CHD7: variants seen among roughly 807,000 people sequenced by gnomAD.
The protein encoded by CHD7 is chromodomain helicase DNA binding protein 7.
Under a neutral mutation model 307.3 loss-of-function variants are expected in CHD7, and 24 were observed. That is an observed-to-expected ratio of 0.08 (90% confidence interval 0.06 to 0.11). CHD7 has a LOEUF of 0.11. CHD7 is among the 10% of genes least tolerant of loss of function. CHD7 has a pLI of 1.00. For synonymous variants in CHD7, 1,363 were observed against 1,349.9 expected, an observed-to-expected ratio of 1.01 and a Z score of -0.21; for missense variants, 3,106 against 3,727.1, an observed-to-expected ratio of 0.83 and a Z score of 4.34.
chr8:60,756,780 G>T (rs1211134452), intron 2 of CHD7, among the ~76,000 whole-genome samples: 1 of 152,148 alleles, frequency 6.6e-6, no homozygotes, highest in Non-Finnish European at 1.5e-5. Context: ...ATATCCACTA[G>T]ATTTTTGGTT....
At chr8:60,848,131 G>GA (rs1382349573) in intron 23 of CHD7, among the ~76,000 whole-genome samples, 2 of 152,182 alleles carry the variant, frequency 1.3e-5, no homozygotes, top group African/African-American at 4.8e-5. Context: ...AATTTTATGA[G>GA]ATAATGAAGC....
intron 1 of CHD7, among the ~76,000 whole-genome samples, chr8:60,731,513 G>T (rs1808455394): frequency 6.6e-6 from 1 of 152,054 alleles, no homozygotes; most frequent in Non-Finnish European, 1.5e-5. Flanking sequence ...TAGAGGTCTT[G>T]GTACGTATCC....
chr8:60,855,647 C>T (rs1322603405), intron 32 of CHD7, among the ~76,000 whole-genome samples: 3 of 152,198 alleles, frequency 2.0e-5, no homozygotes, highest in Non-Finnish European at 2.9e-5. Context: ...GGAGCTTGTA[C>T]AAGAGTTACT....
rs755396598 is a variant in CHD7 at position 60,853,402 on chromosome 8, A to G, written c.6677A>G (p.Asp2226Gly). The change falls in exon 31 of 38, where the codon GAC becomes GGC. Residue 2226 changes from aspartate to glycine, a missense_variant. Coordinates refer to ENST00000423902, the MANE Select transcript of CHD7 (RefSeq NM_017780.4). ...NELKGVEVGA[D>G]TGSKSISEKG... ...CTGAAAGGTGTTGAGGTCGGCGCAG[A>G]CACTGGGTCCAAATCTATTTCAGAG... The G allele has an allele frequency of 2.6e-6, 4 of 1,531,042 alleles. No homozygotes were observed. The Admixed American group carries it at 8.7e-5, about 33-fold the overall frequency. The allele number at this position is 1,531,042 out of a possible 1,614,324, so 94.8% of individuals were successfully genotyped here. A position where few individuals can be genotyped will look rare whatever the true frequency, so the allele number is the denominator to read the frequency against.
At chr8:60,759,560 G>A (rs1810073328) in intron 2 of CHD7, among the ~76,000 whole-genome samples, 1 of 151,230 alleles carries the variant, frequency 6.6e-6, no homozygotes, top group African/African-American at 2.4e-5. Context: ...TCTGGTGAGA[G>A]AGCATTTATG....
chr8:60,735,318 G>C (rs1243218169), intron 1 of CHD7, among the ~76,000 whole-genome samples: 1 of 152,198 alleles, frequency 6.6e-6, no homozygotes. Context: ...TACGATGTCA[G>C]TGGTTTTCCT....
rs772687285 is a variant in CHD7, at chr8:60,699,569, C to G, written c.-175+20487C>G. Among the ~76,000 whole-genome samples the G allele has an allele frequency of 5.3e-5, 8 of 151,996 alleles. No individual in the cohort carries two copies. In the South Asian group the frequency reaches 1.2e-3, roughly 24 times the overall value. On this transcript the variant is annotated intron_variant, in intron 1 of 37. Coordinates refer to ENST00000423902, the MANE Select transcript of CHD7 (RefSeq NM_017780.4). ...CTGGGGTAGCCTGTTCTGGAGCCAG[C>G]TCTGTCTGTCCCATTGCTATGGAAT...
chr8:60,698,742 C>T (rs536663826), intron 1 of CHD7, among the ~76,000 whole-genome samples: 1 of 152,290 alleles, frequency 6.6e-6, no homozygotes, highest in South Asian at 2.1e-4. Context: ...TTTGCAGAGC[C>T]TTGATGTCTA....
chr8:60,757,821 A>C (rs1809970123), intron 2 of CHD7, among the ~76,000 whole-genome samples: 1 of 152,242 alleles, frequency 6.6e-6, no homozygotes. Flanking sequence ...AAGAAAGAAC[A>C]CTTAACCTTC....
chr8:60,789,010 A>G (rs534120946), intron 3 of CHD7, among the ~76,000 whole-genome samples: 31 of 152,060 alleles, frequency 2.0e-4, no homozygotes, highest in South Asian at 1.9e-3. Context: ...TATCTTTTTT[A>G]GTTTGCCTTT....
intron 1 of CHD7, among the ~76,000 whole-genome samples, chr8:60,694,634 G>T (rs1249981765): frequency 6.6e-6 from 1 of 152,232 alleles, no homozygotes; most frequent in Non-Finnish European, 1.5e-5. Flanking sequence ...CAGGGCAAGA[G>T]CCCTTTGTCT....
chr8:60,716,541 C>T, intron 1 of CHD7, among the ~76,000 whole-genome samples: 1 of 152,208 alleles, frequency 6.6e-6, no homozygotes, highest in Non-Finnish European at 1.5e-5. Flanking sequence ...TCAGTTCCTT[C>T]CCGATCATAC....
intron 3 of CHD7, among the ~76,000 whole-genome samples, chr8:60,786,554 TC>T (rs1332113319): frequency 3.6e-5 from 5 of 138,890 alleles, no homozygotes; most frequent in Non-Finnish European, 8.0e-5. Context: ...ACTTTCAACT[TC>T]CACTGCACCT....
chr8:60,685,428 C>G (rs72650447), intron 1 of CHD7, among the ~76,000 whole-genome samples: 130 of 152,282 alleles, frequency 8.5e-4, no homozygotes, highest in Non-Finnish European at 1.5e-3. Flanking sequence ...CAGACCTTGG[C>G]ACATTTTGTT....
chr8:60,792,280 C>T (rs946848877), intron 3 of CHD7, among the ~76,000 whole-genome samples: 6 of 152,170 alleles, frequency 3.9e-5, no homozygotes, highest in African/African-American at 1.4e-4. Flanking sequence ...TAATACAACA[C>T]TTAGTTGAAA....
At chr8:60,864,917 T>G in intron 37 of CHD7, 99 bp from the exon 38 acceptor site, 1 of 1,171,436 alleles carries the variant, frequency 8.5e-7, no homozygotes, top group Non-Finnish European at 1.2e-6. Flanking sequence ...TACTTAGGTA[T>G]TTCCATTTGG....
chr8:60,767,871 CTAA>C (rs1810545752), intron 2 of CHD7, among the ~76,000 whole-genome samples: 1 of 152,106 alleles, frequency 6.6e-6, no homozygotes, highest in Admixed American at 6.5e-5. Flanking sequence ...GGTGAACTGT[CTAA>C]TAATTATTAT....
In CHD7 at chr8:60,852,222, G is replaced by A. The variant is rs1586443930; in HGVS notation, c.5869G>A (p.Ala1957Thr). Reference protein sequence around the residue: ...EVRALEAEREAIISEKRQKWT... With the variant: ...EVRALEAERETIISEKRQKWT... ...GAGAGCTCTGGAAGCGGAAAGGGAA[G>A]CTATTATATCTGAGAAGCGGCAAAA... Residue 1957 changes from alanine (A) to threonine (T), a missense_variant, in exon 29 of 38, where the codon GCT (alanine) becomes ACT (threonine). Coordinates refer to ENST00000423902, the MANE Select transcript of CHD7 (RefSeq NM_017780.4). 6.2e-7 allele frequency: 1 copy of A among 1,613,418 alleles called. No homozygotes were observed. Among genetic ancestry groups the A allele is most frequent in the South Asian group, 1.1e-5 (1 of 91,046 alleles).
In CHD7 at chr8:60,865,317, C is replaced by T. The variant is rs774242976; in HGVS notation, c.8378C>T (p.Ala2793Val). ...GCCGGAGGCGATGCGAAGAACCCTG[C>T]TGCTGTGCTGCCCCTGATGCTGCCA... ...ATAGGDAKNP[A>V]AVLPLMLPGM... Residue 2793 changes from alanine to valine, a missense_variant, in exon 38 of 38, where the codon GCT (alanine) becomes GTT (valine). By Grantham distance (64) the Ala-to-Val change is moderately conservative (BLOSUM62 0). Around this residue, in one of 10 missense-constraint regions of CHD7, gnomAD observed 351 missense variants for 366.2 expected, o/e 0.96. Coordinates refer to ENST00000423902, the MANE Select transcript of CHD7 (RefSeq NM_017780.4). This position sits in a 1 kb window ranked among gnomAD's most constrained non-coding sequence, Gnocchi z 4.3. 1.2e-6 allele frequency: 2 copies of T among 1,611,834 alleles called. No homozygotes were observed. The highest frequency in any genetic ancestry group is 1.7e-6 in the Non-Finnish European group (2 of 1,179,162).
Sources: gnomAD v4.1 joint callset for allele counts (sites outside exome capture counted in the v4.1 genomes callset) on GRCh38, gnomAD v4.1.1 for gene constraint, gnomAD v4.1.1 regional missense constraint, Gnocchi (gnomAD v3.1) non-coding constraint, MANE v1.5 for transcripts, NCBI Gene and HGNC (gene_info 2026-07-23, HGNC 2026-07-21) for gene names.